The following ABI3BP variants were observed in gnomAD, a reference collection of about 807,000 sequenced individuals.
ABI3BP encodes the protein ABI family member 3 binding protein, also known as target of Nesh-SH3.
Under a neutral mutation model 268.6 loss-of-function variants are expected in ABI3BP, and 216 were observed. The observed-to-expected ratio is 0.80, with a 90% confidence interval of 0.72 to 0.90. ABI3BP has a LOEUF of 0.90. ABI3BP is among the 40% of genes least tolerant of loss of function. The pLI is 0.00. For synonymous variants in ABI3BP, 730 were observed against 730.0 expected (o/e 1.00, Z 0.00); for missense variants, 2,090 against 2,182.4 (o/e 0.96, Z 0.84).
Position 100,832,252 on chromosome 3 carries a change from C to T in ABI3BP, c.2401+12G>A. ...CTGCTTGGATTCTACAAAACAGAAA[C>T]TACATATTTACCCAGTTTAGTTTGA... is the stretch of plus-strand genomic sequence containing the variant. On this transcript the variant is annotated intron_variant, in intron 31 of 67. Transcript: ENST00000471714. 2 of 1,534,624 alleles carry T rather than the reference C, an allele frequency of 1.3e-6. No individual in the cohort carries two copies. The highest frequency in any genetic ancestry group is 1.7e-6 in the Non-Finnish European group (2 of 1,145,766).
At chr3:100,910,527 T>C (rs768402061) in intron 2 of ABI3BP, among the ~76,000 whole-genome samples, 12 of 152,090 alleles carry the variant, frequency 7.9e-5, no homozygotes, top group Non-Finnish European at 1.6e-4. Context: ...TCTTTCCTAT[T>C]CTTGCTTTTC....
At chr3:100,879,547 T>C (rs564226227) in intron 6 of ABI3BP, among the ~76,000 whole-genome samples, 2 of 152,326 alleles carry the variant, frequency 1.3e-5, no homozygotes, top group Admixed American at 1.3e-4. Flanking sequence ...AATGATTTGT[T>C]TCAAACAAAC....
chr3:100,813,373 T>C (rs2097912577), intron 45 of ABI3BP, among the ~76,000 whole-genome samples: 1 of 152,140 alleles, frequency 6.6e-6, no homozygotes, highest in Admixed American at 6.5e-5. Context: ...TAAGGATAAA[T>C]AATAAAATCA....
chr3:100,916,810 G>T (rs1016645413), intron 2 of ABI3BP, among the ~76,000 whole-genome samples: 1 of 152,178 alleles, frequency 6.6e-6, no homozygotes, highest in East Asian at 1.9e-4. Context: ...ATCTCCAGTG[G>T]CAGAGAAAAG....
At chr3:100,958,531 G>C (rs2077640370) in intron 1 of ABI3BP, among the ~76,000 whole-genome samples, 2 of 152,202 alleles carry the variant, frequency 1.3e-5, no homozygotes, top group African/African-American at 4.8e-5. Flanking sequence ...TATTATGAAA[G>C]TGTCCTAAAA....
At chr3:100,769,298 TTA>T (rs1324588591) in intron 62 of ABI3BP, among the ~76,000 whole-genome samples, 1 of 152,218 alleles carries the variant, frequency 6.6e-6, no homozygotes, top group Non-Finnish European at 1.5e-5. Context: ...ACAAAAATTG[TTA>T]TAAGTCCTCT....
At chr3:100,816,077 A>C in intron 43 of ABI3BP, 106 bp from the exon 44 acceptor site, 1 of 859,462 alleles carries the variant, frequency 1.2e-6, no homozygotes, top group East Asian at 2.7e-5. Context: ...ACAATTTTTT[A>C]AAACTTTTGA....
At position 100,911,662 on chromosome 3, in the gene ABI3BP, C is replaced by T. The variant is rs1009746299; in HGVS notation, c.260-8976G>A. ...GAGGAACCTGATACAGTTTTATAAC[C>T]TAGTTGTTCAGAAATATCCAGATTG... is the stretch of plus-strand genomic sequence containing the variant. On this transcript the variant is annotated intron_variant, in intron 2 of 67. Transcript: ENST00000471714. 6 of 735,634 alleles carry T rather than the reference C, an allele frequency of 8.2e-6. No homozygotes were observed. In the African/African-American group the frequency reaches 8.7e-5, roughly 11 times the overall value. 45.6% of individuals were successfully genotyped at this position (735,634 alleles called of 1,614,324 possible). A position where few individuals can be genotyped will look rare whatever the true frequency, so the allele number is the denominator to read the frequency against.
intron 6 of ABI3BP, among the ~76,000 whole-genome samples, chr3:100,885,200 C>T (rs2041367432): frequency 6.6e-6 from 1 of 151,958 alleles, no homozygotes; most frequent in South Asian, 2.1e-4. Context: ...TAGCAATGTA[C>T]ATAAATCATG....
chr3:100,795,116 G>A (rs1189952590), intron 53 of ABI3BP, 113 bp from the exon 54 acceptor site: 24 of 658,726 alleles, frequency 3.6e-5, no homozygotes, highest in Non-Finnish European at 5.3e-5. Context: ...AAAGAAGAAA[G>A]TTAAGTGTGC....
chr3:100,832,222 G>T (rs9845149), intron 31 of ABI3BP, 42 bp downstream of exon 31: 239,422 of 1,508,654 alleles, frequency 0.16, 19,966 homozygotes, highest in East Asian at 0.29. Context: ...CCCAACCGTG[G>T]TAGACTGCTT....
intron 2 of ABI3BP, among the ~76,000 whole-genome samples, chr3:100,924,419 T>G (rs1397679018): frequency 6.6e-6 from 1 of 152,196 alleles, no homozygotes; most frequent in East Asian, 1.9e-4. Context: ...AAAAATATTT[T>G]TTATCTGTTA....
chr3:100,799,930 C>CT lies in ABI3BP; in HGVS notation c.3758-3463dup, dbSNP rs1277438270. On this transcript the variant is annotated intron_variant, in intron 51 of 67. Coordinates refer to ENST00000471714, the MANE Select transcript of ABI3BP (RefSeq NM_001375547.2). Reference sequence around the variant, plus strand: ...TAGGGTCTTCCCACTCAAAGTCCTACTGGTCCTGCAAGGCTAGCATGTACA... The same window carrying CT: ...TAGGGTCTTCCCACTCAAAGTCCTACTTGGTCCTGCAAGGCTAGCATGTACA... Among the ~76,000 whole-genome samples, 4 of 152,194 alleles carry CT rather than the reference C, an allele frequency of 2.6e-5. No individual in the cohort carries two copies. In the South Asian group the frequency reaches 6.2e-4, roughly 24 times the overall value.
chr3:100,990,844 G>C (rs936562320), intron 1 of ABI3BP, among the ~76,000 whole-genome samples: 2 of 151,996 alleles, frequency 1.3e-5, no homozygotes, highest in Non-Finnish European at 1.5e-5. Flanking sequence ...ATTAACATGG[G>C]AAAGTTACTG....
At chr3:100,936,894 GTCTA>G (rs1180235207) in intron 1 of ABI3BP, among the ~76,000 whole-genome samples, 2 of 151,866 alleles carry the variant, frequency 1.3e-5, no homozygotes, top group East Asian at 3.9e-4. Context: ...CTGGCTAGTG[GTCTA>G]TCTATTTTGT....
intron 63 of ABI3BP, among the ~76,000 whole-genome samples, chr3:100,757,028 A>G (rs1245304271): frequency 1.3e-5 from 2 of 152,076 alleles, no homozygotes; most frequent in Non-Finnish European, 2.9e-5. Flanking sequence ...TAAAATTTAA[A>G]GTTTCAGGAA....
chr3:100,886,954 A>AATATGTGTATTC (rs1169201279), intron 4 of ABI3BP, among the ~76,000 whole-genome samples: 2 of 152,044 alleles, frequency 1.3e-5, no homozygotes, highest in Non-Finnish European at 2.9e-5. Context: ...TATATACATA[A>AATATGTGTATTC]ATATACACAT....
chr3:100,949,610 A>G (rs987408964), intron 1 of ABI3BP, among the ~76,000 whole-genome samples: 4 of 152,124 alleles, frequency 2.6e-5, no homozygotes, highest in Admixed American at 2.0e-4. Flanking sequence ...CGTTTTTGGG[A>G]TAAGGTATTG....
chr3:100,969,476 C>T (rs1002505200), intron 1 of ABI3BP, among the ~76,000 whole-genome samples: 1 of 152,112 alleles, frequency 6.6e-6, no homozygotes, highest in African/African-American at 2.4e-5. Flanking sequence ...ATAAATGTGG[C>T]CAGCAGCAGA....
Sources: allele counts gnomAD v4.1 joint callset (sites outside exome capture counted in the v4.1 genomes callset), GRCh38; gene constraint gnomAD v4.1.1; transcripts MANE v1.5; gene names NCBI Gene and HGNC (gene_info 2026-07-23, HGNC 2026-07-21).